TLN1: variants seen among roughly 807,000 people sequenced by gnomAD.
TLN1 encodes talin-1.
TLN1 carries 56 observed loss-of-function variants against 292.3 expected under a neutral mutation model. That is an observed-to-expected ratio of 0.19 (90% CI 0.15 to 0.24). The LOEUF is 0.24. Among genes scored for constraint, TLN1 ranks in the 10% least tolerant of loss-of-function variants. The pLI, the probability that TLN1 is intolerant of heterozygous loss-of-function variation, is 1.00. For synonymous variants in TLN1, 1,119 were observed against 1,253.7 expected, an observed-to-expected ratio of 0.89 and a Z score of 2.27; for missense variants, 2,433 against 3,248.2, an observed-to-expected ratio of 0.75 and a Z score of 6.10.
chr9:35,712,823 C>T lies in TLN1; in HGVS notation c.3561+12G>A, dbSNP rs1422792087. 1 of 1,558,496 alleles carries T rather than the reference C, an allele frequency of 6.4e-7. No homozygotes were observed. The highest frequency in any genetic ancestry group is 1.4e-5 in the African/African-American group (1 of 73,846). ...CTGGGGGAGAGGGAGTGGCCCTTTC[C>T]CAGTATCTGACCTGGGCAAGCCGCT... On this transcript the variant is annotated intron_variant, in intron 27 of 56. Transcript: ENST00000314888.
Position 35,704,514 on chromosome 9 carries a change from C to T in TLN1, c.5881-16G>A, listed in dbSNP as rs1176127949. On this transcript the variant is annotated splice_polypyrimidine_tract_variant and intron_variant, in intron 44 of 56. Transcript: ENST00000314888. This position sits in a 1 kb window ranked among gnomAD's most constrained non-coding sequence, Gnocchi z 6.9. The stretch of plus-strand genomic sequence containing the variant: ...CGTGGGAGACCTGGGTAGGGAATGT[C>T]ACATGGTGACTGTGGAAGGTGCCAT... 1 of 1,596,194 alleles carries T rather than the reference C, an allele frequency of 6.3e-7. No homozygotes were observed. The highest frequency in any genetic ancestry group is 1.1e-5 in the South Asian group (1 of 88,954).
chr9:35,730,733 T>C (rs1334661305), intron 1 of TLN1, among the ~76,000 whole-genome samples: 2 of 151,918 alleles, frequency 1.3e-5, no homozygotes, highest in Non-Finnish European at 2.9e-5. Context: ...TGTAAGGGGA[T>C]AGGCAGGATG....
Position 35,706,051 on chromosome 9 carries a change from C to G in TLN1, c.5422G>C (p.Glu1808Gln). 1 of 1,614,242 alleles carries G rather than the reference C, an allele frequency of 6.2e-7. No individual in the cohort carries two copies. Among genetic ancestry groups the G allele is most frequent in the Non-Finnish European group, 8.5e-7 (1 of 1,180,044 alleles). ...TCGTTGAGGGTTGTTGTCAGGTCCT[C>G]TACGGCCTCGGTCATCATCTGCACA... ...EAVQMMTEAV[E>Q]DLTTTLNEAA... Residue 1808 changes from glutamate (E) to glutamine (Q), a missense_variant, in exon 41 of 57, where the codon GAG becomes CAG. Physicochemically the swap from Glu to Gln is conservative, Grantham distance 29 (BLOSUM62 2). Coordinates refer to ENST00000314888, the MANE Select transcript of TLN1 (RefSeq NM_006289.4). The surrounding 1 kb of genome is among the most constrained non-coding windows in gnomAD (Gnocchi z 4.2).
chr9:35,703,821 T>C lies in TLN1; in HGVS notation c.6311A>G (p.Lys2104Arg), dbSNP rs150589376. The stretch of plus-strand genomic sequence containing the variant: ...CCACACAGCAGGGTCATCTCCAACT[T>C]TGCCAGCTGCAGCCTTCGTTGCACT... ...LISATKAAAG[K>R]VGDDPAVWQL... The change falls in exon 47 of 57, where the codon AAA becomes AGA. Residue 2104 changes from lysine to arginine, a missense_variant. Physicochemically the swap from Lys to Arg is conservative, Grantham distance 26. This residue lies in a region of TLN1 where 1,384 missense variants were observed against 1,699.6 expected (regional missense o/e 0.81). Coordinates refer to ENST00000314888, the MANE Select transcript of TLN1 (RefSeq NM_006289.4). 9.5e-5 allele frequency: 154 copies of C among 1,614,072 alleles called. No individual in the cohort carries two copies. The highest frequency in any genetic ancestry group is 4.2e-5 in the Non-Finnish European group (50 of 1,180,038).
intron 1 of TLN1, among the ~76,000 whole-genome samples, chr9:35,730,146 T>C (rs372118734): frequency 1.6e-4 from 24 of 148,322 alleles, no homozygotes; most frequent in African/African-American, 5.5e-4. Context: ...CAGGTCAGGC[T>C]ATAGGAGGTT....
Position 35,707,531 on chromosome 9 carries a change from T to C in TLN1, c.4633-43A>G, listed in dbSNP as rs530977695. 17 of 1,604,942 alleles carry C rather than the reference T, an allele frequency of 1.1e-5. No individual in the cohort carries two copies. In the South Asian group the frequency reaches 1.2e-4, roughly 11 times the overall value. On this transcript the variant is annotated intron_variant, in intron 35 of 56. Coordinates refer to ENST00000314888, the MANE Select transcript of TLN1 (RefSeq NM_006289.4). This position sits in a 1 kb window ranked among gnomAD's most constrained non-coding sequence, Gnocchi z 5.6. Reference sequence around the variant, plus strand: ...GCTCTCAGGACTTGGGATGCAGTCATAGGGGGTATAGGAAGTGAAGTCCAG... The same window carrying C: ...GCTCTCAGGACTTGGGATGCAGTCACAGGGGGTATAGGAAGTGAAGTCCAG...
At chr9:35,697,948 G>A (rs770781922) in intron 56 of TLN1, 32 bp from the exon 57 acceptor site, 1 of 1,614,030 alleles carries the variant, frequency 6.2e-7, no homozygotes, top group Non-Finnish European at 8.5e-7. Context: ...TTAGTTCAGT[G>A]AGGATGCACA....
chr9:35,700,115 C>A (rs374067583), intron 49 of TLN1, 34 bp from the exon 50 acceptor site: 1 of 1,597,746 alleles, frequency 6.3e-7, no homozygotes. Context: ...CTTTAGGCCC[C>A]GCAGATCCCT....
chr9:35,698,978 G>A lies in TLN1; in HGVS notation c.7000-45C>T, dbSNP rs780094625. On this transcript the variant is annotated intron_variant, in intron 52 of 56. Transcript: ENST00000314888. The surrounding 1 kb of genome is among the most constrained non-coding windows in gnomAD (Gnocchi z 5.3). ...CAGAAAGAGATGTAAAGTCAGAGAT[G>A]AAGGTGGGGACACTGCCATGGTGAG... 4 of 1,610,288 alleles carry A rather than the reference G, an allele frequency of 2.5e-6. No homozygotes were observed. The highest frequency in any genetic ancestry group is 1.7e-5 in the Admixed American group (1 of 59,928).
At position 35,708,421 on chromosome 9, in the gene TLN1, G is replaced by A; in HGVS notation, c.4390C>T (p.Pro1464Ser). ...TGGTTTGCACGGGCAAACTGTGTGG[G>A]CTCCACTAGCCCTTGCTGTCCAGCT... ...SQAGQQGLVE[P>S]TQFARANQAI... Residue 1464 changes from proline to serine, a missense_variant, in exon 34 of 57, where the codon CCC becomes TCC. Pro to Ser is a moderately conservative substitution (Grantham distance 74). Around this residue, in one of 7 missense-constraint regions of TLN1, gnomAD observed 1,384 missense variants for 1,699.6 expected, o/e 0.81. Transcript: ENST00000314888. 1 of 1,611,292 alleles carries A rather than the reference G, an allele frequency of 6.2e-7. No individual in the cohort carries two copies. Among genetic ancestry groups the A allele is most frequent in the Non-Finnish European group, 8.5e-7 (1 of 1,178,450 alleles).
Position 35,719,369 on chromosome 9 carries a change from T to C in TLN1, c.1688-87A>G. ...AGGGAGCAAAGTCACACCCAGTTAG[T>C]CACACACATGTCCACAGAAAGACGC... is the stretch of plus-strand genomic sequence containing the variant. On this transcript the variant is annotated intron_variant, in intron 15 of 56. Transcript: ENST00000314888. This position sits in a 1 kb window ranked among gnomAD's most constrained non-coding sequence, Gnocchi z 4.6. 3 of 1,404,812 alleles carry C rather than the reference T, an allele frequency of 2.1e-6. No homozygotes were observed. Among genetic ancestry groups the C allele is most frequent in the Non-Finnish European group, 3.0e-6 (3 of 999,724 alleles). The allele number at this position is 1,404,812 out of a possible 1,614,324, so 87.0% of individuals were successfully genotyped here.
chr9:35,712,862 G>A lies in TLN1; in HGVS notation c.3534C>T (p.Asp1178=). The A allele has an allele frequency of 6.3e-7, 1 of 1,590,616 alleles. No individual in the cohort carries two copies. The highest frequency in any genetic ancestry group is 1.1e-5 in the South Asian group (1 of 87,976). The change falls in exon 27 of 57, where the codon GAC becomes GAT. Residue 1178 remains aspartate, a synonymous_variant. Transcript: ENST00000314888. ...GGGCAAGCCGCTGCTGGCTCTCAGG[G>A]TCCCCTGGATGGCCAGCTGCCTTTT... ...EAKKAAGHPG[D]PESQQRLAQV... is the part of the protein sequence containing the mutation.
intron 30 of TLN1, 79 bp from the exon 31 acceptor site, chr9:35,711,161 T>C: frequency 6.2e-7 from 1 of 1,609,808 alleles, no homozygotes; most frequent in Non-Finnish European, 8.5e-7. Context: ...ATCTTTTGCC[T>C]ATAACCATTC....
intron 1 of TLN1, 94 bp from the exon 2 acceptor site, chr9:35,725,821 G>T: frequency 8.9e-7 from 1 of 1,125,282 alleles, no homozygotes; most frequent in East Asian, 2.4e-5. Context: ...GTTTTTGAAA[G>T]GGACTCACCA....
In TLN1 at chr9:35,699,982, C is replaced by T; in HGVS notation, c.6760G>A (p.Val2254Ile). Reference protein sequence around the residue: ...ANGYLELLDHVLLTLQKPSPE... With the variant: ...ANGYLELLDHILLTLQKPSPE... The stretch of plus-strand genomic sequence containing the variant: ...GCAACGCCCTCCCTTACCAGCAGTA[C>T]ATGGTCCAGCAGTTCCAGGTAGCCA... Residue 2254 changes from valine (V) to isoleucine (I), a missense_variant, in exon 50 of 57, where the codon GTA becomes ATA. By Grantham distance (29) the Val-to-Ile change is conservative. Transcript: ENST00000314888. This position sits in a 1 kb window ranked among gnomAD's most constrained non-coding sequence, Gnocchi z 4.0. 1 of 1,611,712 alleles carries T rather than the reference C, an allele frequency of 6.2e-7. No homozygotes were observed. Among genetic ancestry groups the T allele is most frequent in the Non-Finnish European group, 8.5e-7 (1 of 1,178,426 alleles).
chr9:35,708,530 TG>T, intron 33 of TLN1, 46 bp from the exon 34 acceptor site: 1 of 1,492,512 alleles, frequency 6.7e-7, no homozygotes. Context: ...AGATTGCAGG[TG>T]GGAAATGAAT....
chr9:35,698,690 G>A lies in TLN1; in HGVS notation c.7126-11C>T, dbSNP rs1265694432. The stretch of plus-strand genomic sequence containing the variant: ...TGGAATGGCACCCACCTGTAGGAAG[G>A]AGAAGAGCCTACTTAGACCTGCATT... On this transcript the variant is annotated splice_polypyrimidine_tract_variant and intron_variant, in intron 53 of 56. Transcript: ENST00000314888. This position sits in a 1 kb window ranked among gnomAD's most constrained non-coding sequence, Gnocchi z 5.3. 3 of 1,613,978 alleles carry A rather than the reference G, an allele frequency of 1.9e-6. No homozygotes were observed. Among genetic ancestry groups the A allele is most frequent in the Non-Finnish European group, 2.5e-6 (3 of 1,180,030 alleles).
rs1249031749 is a variant in TLN1 at position 35,714,141 on chromosome 9, G to T, written c.3121-60C>A. The T allele has an allele frequency of 5.6e-6, 9 of 1,605,996 alleles. No individual in the cohort carries two copies. The highest frequency in any genetic ancestry group is 1.7e-5 in the Admixed American group (1 of 59,678). On this transcript the variant is annotated intron_variant, in intron 24 of 56. Transcript: ENST00000314888. This position sits in a 1 kb window ranked among gnomAD's most constrained non-coding sequence, Gnocchi z 4.6. ...CCTGCTGTGTCTCACCAATGCCTCT[G>T]ATTACACAATTATCTGCGTATTGGG...
chr9:35,707,133 C>T lies in TLN1; in HGVS notation c.4894G>A (p.Val1632Met), dbSNP rs1192133634. ...ACAGTACGGGAGTGGCCGGCCAGCA[C>T]CGACCAGCTCGGGGGGTCCCGGGGA... The part of the protein sequence containing the change: ...VNPRDPPSWS[V>M]LAGHSRTVSD... Residue 1632 changes from valine to methionine, a missense_variant, in exon 37 of 57, where the codon GTG becomes ATG. Physicochemically the swap from Val to Met is conservative, Grantham distance 21. Around this residue, in one of 7 missense-constraint regions of TLN1, gnomAD observed 1,384 missense variants for 1,699.6 expected, o/e 0.81. Coordinates refer to ENST00000314888, the MANE Select transcript of TLN1 (RefSeq NM_006289.4). The surrounding 1 kb of genome is among the most constrained non-coding windows in gnomAD (Gnocchi z 5.6). The T allele has an allele frequency of 1.2e-6, 2 of 1,611,730 alleles. No individual in the cohort carries two copies. The highest frequency in any genetic ancestry group is 1.3e-5 in the African/African-American group (1 of 74,754).
Sources: allele counts gnomAD v4.1 joint callset (sites outside exome capture counted in the v4.1 genomes callset), GRCh38; gene constraint gnomAD v4.1.1; regional missense constraint gnomAD v4.1.1; non-coding constraint Gnocchi (gnomAD v3.1); transcripts MANE v1.5; gene names NCBI Gene and HGNC (gene_info 2026-07-23, HGNC 2026-07-21).